The following DPEP2 variants were observed in gnomAD, a reference collection of about 807,000 sequenced individuals.
The protein encoded by DPEP2 is dipeptidase 2.
A neutral mutation model predicts 51.8 loss-of-function variants in DPEP2; 45 were observed. The ratio of observed to expected loss-of-function variants is 0.87; its 90% CI spans 0.68 to 1.11. The LOEUF (loss-of-function observed/expected upper bound fraction) is 1.11, where lower values mean the gene tolerates loss of function less well. Ranked by LOEUF, DPEP2 falls within the 50% of genes most tolerant of loss-of-function variation. The pLI, the probability that DPEP2 is intolerant of heterozygous loss-of-function variation, is 0.00. For synonymous variants in DPEP2, 255 were observed against 262.7 expected, an observed-to-expected ratio of 0.97 and a Z score of 0.28; for missense variants, 604 against 631.9, an observed-to-expected ratio of 0.96 and a Z score of 0.47.
At chr16:67,989,113 C>T (rs557188085) in intron 9 of DPEP2, among the ~76,000 whole-genome samples, 34 of 152,164 alleles carry the variant, frequency 2.2e-4, no homozygotes, top group African/African-American at 7.7e-4. Flanking sequence ...CTTGGGGGTA[C>T]GTGCAGTGCT....
chr16:67,992,370 C>T, intron 3 of DPEP2, 140 bp downstream of exon 3: 2 of 1,451,916 alleles, frequency 1.4e-6, no homozygotes, highest in Non-Finnish European at 1.9e-6. Flanking sequence ...TCTGCAGCCC[C>T]CAGCATCCAT....
intron 9 of DPEP2, among the ~76,000 whole-genome samples, chr16:67,988,941 G>A (rs1007772676): frequency 6.6e-6 from 1 of 152,050 alleles, no homozygotes; most frequent in Non-Finnish European, 1.5e-5. Flanking sequence ...AAGAAAGAAG[G>A]AGGAGGAGGA....
At chr16:67,989,292 G>C (rs2031825347) in intron 9 of DPEP2, 31 bp downstream of exon 9, 1 of 1,613,178 alleles carries the variant, frequency 6.2e-7, no homozygotes, top group East Asian at 2.2e-5. Context: ...TGTACAGCTA[G>C]CCCAAGACAA....
chr16:67,991,086 T>G lies in DPEP2; in HGVS notation c.732+29A>C. On this transcript the variant is annotated intron_variant, in intron 6 of 10. Coordinates refer to ENST00000393847, the MANE Select transcript of DPEP2 (RefSeq NM_022355.4). This position sits in a 1 kb window ranked among gnomAD's most constrained non-coding sequence, Gnocchi z 5.1. ...AACAGCTGGGGTGTGCACATTTGTT[T>G]GGGGTGGAGTGTGAACCAGGGTCCT... is the stretch of plus-strand genomic sequence containing the variant. The G allele has an allele frequency of 6.2e-7, 1 of 1,614,214 alleles. No homozygotes were observed. The highest frequency in any genetic ancestry group is 8.5e-7 in the Non-Finnish European group (1 of 1,180,012).
chr16:67,998,431 G>A (rs187192009), intron 1 of DPEP2, among the ~76,000 whole-genome samples: 1 of 152,322 alleles, frequency 6.6e-6, no homozygotes, highest in South Asian at 2.1e-4. Flanking sequence ...ACTTCTCACC[G>A]GGCCTTAGCT....
intron 9 of DPEP2, 174 bp from the exon 10 acceptor site, chr16:67,988,161 T>TTC: frequency 1.4e-6 from 1 of 702,122 alleles, no homozygotes; most frequent in Non-Finnish European, 2.3e-6. Context: ...CAAAACCTCC[T>TTC]TGAATATTTA....
chr16:67,989,249 T>G, intron 9 of DPEP2, 74 bp downstream of exon 9: 1 of 1,537,304 alleles, frequency 6.5e-7, no homozygotes, highest in Non-Finnish European at 9.0e-7. Context: ...CTAAAGGACG[T>G]GATGGCTATG....
rs2032135982 is a variant in DPEP2 at position 67,991,375 on chromosome 16, T to C, written c.663-191A>G. Reference sequence around the variant, plus strand: ...CCAGTCTTTTTTTTCCTTTTCTTTTTTTTTTTTTTTTGGCAATAGAGTCTC... The same window carrying C: ...CCAGTCTTTTTTTTCCTTTTCTTTTCTTTTTTTTTTTGGCAATAGAGTCTC... On this transcript the variant is annotated intron_variant, in intron 5 of 10. Coordinates refer to ENST00000393847, the MANE Select transcript of DPEP2 (RefSeq NM_022355.4). This position sits in a 1 kb window ranked among gnomAD's most constrained non-coding sequence, Gnocchi z 5.1. Among the ~76,000 whole-genome samples, 1 of 150,914 alleles carries C rather than the reference T, an allele frequency of 6.6e-6. No individual in the cohort carries two copies.
chr16:67,991,298 A>C lies in DPEP2; in HGVS notation c.663-114T>G. 4 of 1,040,344 alleles carry C rather than the reference A, an allele frequency of 3.8e-6. No homozygotes were observed. The highest frequency in any genetic ancestry group is 5.7e-6 in the Non-Finnish European group (4 of 703,564). 64.4% of individuals were successfully genotyped at this position (1,040,344 alleles called of 1,614,324 possible). ...CCCCTGAAACAAAAACAGGGATCCA[A>C]AATGGGCCCTGCAAATGGGCCATGC... On this transcript the variant is annotated intron_variant, in intron 5 of 10. Coordinates refer to ENST00000393847, the MANE Select transcript of DPEP2 (RefSeq NM_022355.4). The surrounding 1 kb of genome is among the most constrained non-coding windows in gnomAD (Gnocchi z 5.1).
intron 2 of DPEP2, 116 bp from the exon 3 acceptor site, chr16:67,992,752 T>C: frequency 6.6e-7 from 1 of 1,518,932 alleles, no homozygotes; most frequent in Non-Finnish European, 8.9e-7. Context: ...ATGACTATAC[T>C]GAGATCCCCT....
chr16:67,990,134 G>A lies in DPEP2; in HGVS notation c.910-3C>T, dbSNP rs2031947539. On this transcript the variant is annotated splice_polypyrimidine_tract_variant and splice_region_variant and intron_variant, in intron 7 of 10. Coordinates refer to ENST00000393847, the MANE Select transcript of DPEP2 (RefSeq NM_022355.4). ...ATCACGACGCCACCGTTCTTCTTCT[G>A]CAGGGGCGGGCAAGTGGACACTTAG... The A allele has an allele frequency of 1.2e-6, 2 of 1,613,892 alleles. No individual in the cohort carries two copies. The highest frequency in any genetic ancestry group is 1.7e-6 in the Non-Finnish European group (2 of 1,179,922).
Position 67,992,522 on chromosome 16 carries a change from G to C in DPEP2, c.378C>G (p.Leu126=). 6.2e-7 allele frequency: 1 copy of C among 1,611,766 alleles called. No individual in the cohort carries two copies. The highest frequency in any genetic ancestry group is 8.5e-7 in the Non-Finnish European group (1 of 1,178,320). Residue 126 remains leucine, a synonymous_variant, in exon 3 of 11, where the codon CTC becomes CTG. Transcript: ENST00000393847. ...QTSLDRLRDG[L]VGAQFWSAYV... ...ATCCCTGTGGTACCTGGGCGCCCAC[G>C]AGGCCATCTCTAAGCCTGTCCAGGC...
intron 3 of DPEP2, 25 bp downstream of exon 3, chr16:67,992,485 G>A (rs373768737): frequency 2.1e-5 from 34 of 1,596,112 alleles, no homozygotes; most frequent in Non-Finnish European, 2.7e-5. Flanking sequence ...GCCATGCTGT[G>A]GCACCTCGTG....
chr16:67,991,219 C>G lies in DPEP2; in HGVS notation c.663-35G>C. The G allele has an allele frequency of 9.9e-6, 16 of 1,609,514 alleles. No homozygotes were observed. The highest frequency in any genetic ancestry group is 1.4e-5 in the Non-Finnish European group (16 of 1,178,224). On this transcript the variant is annotated intron_variant, in intron 5 of 10. Coordinates refer to ENST00000393847, the MANE Select transcript of DPEP2 (RefSeq NM_022355.4). The surrounding 1 kb of genome is among the most constrained non-coding windows in gnomAD (Gnocchi z 5.1). ...GGCCAGGAAGCAGTCTGACTGGTAG[C>G]TGTTCCTCGGCCTCAAGAGTCTAGA...
Position 67,991,316 on chromosome 16 carries a change from G to T in DPEP2, c.663-132C>A. 1 of 791,770 alleles carries T rather than the reference G, an allele frequency of 1.3e-6. No homozygotes were observed. Among genetic ancestry groups the T allele is most frequent in the Non-Finnish European group, 2.0e-6 (1 of 496,936 alleles). The allele number at this position is 791,770 out of a possible 1,614,324, so 49.0% of individuals were successfully genotyped here. A position where few individuals can be genotyped will look rare whatever the true frequency, so the allele number is the denominator to read the frequency against. On this transcript the variant is annotated intron_variant, in intron 5 of 10. Transcript: ENST00000393847. This position sits in a 1 kb window ranked among gnomAD's most constrained non-coding sequence, Gnocchi z 5.1. ...GGATCCAAAATGGGCCCTGCAAATG[G>T]GCCATGCCTGGCAGCAGGAGGGCCC...
Position 67,987,415 on chromosome 16 carries a change from T to C in DPEP2, c.*91A>G. 2 of 1,508,830 alleles carry C rather than the reference T, an allele frequency of 1.3e-6. No homozygotes were observed. The highest frequency in any genetic ancestry group is 1.3e-5 in the South Asian group (1 of 76,984). The allele number at this position is 1,508,830 out of a possible 1,614,324, so 93.5% of individuals were successfully genotyped here. ...TCTGTTTCTATGTCCAAAACATTTA[T>C]TTCAGGAAATATTTGTGCCTGCACA... On this transcript the variant is annotated 3_prime_UTR_variant, in exon 11 of 11. Coordinates refer to ENST00000393847, the MANE Select transcript of DPEP2 (RefSeq NM_022355.4).
At position 67,987,572 on chromosome 16, in the gene DPEP2, G is replaced by A. The variant is rs1169117731; in HGVS notation, c.1395C>T (p.Ser465=). The change falls in exon 11 of 11, where the codon TCC becomes TCT. Residue 465 remains serine (S), a synonymous_variant. Transcript: ENST00000393847. ...CAAGGACTGGGGCCATGTGGGGGGA[G>A]GACTCTGAGACTGACCACTTGGCTG... ...KLPAKWSVSE[S]SPHMAPVLAV... is the part of the protein sequence containing the mutation. 1 of 1,614,208 alleles carries A rather than the reference G, an allele frequency of 6.2e-7. No individual in the cohort carries two copies. Among genetic ancestry groups the A allele is most frequent in the Admixed American group, 1.7e-5 (1 of 60,018 alleles).
chr16:67,992,805 G>A, intron 2 of DPEP2, 145 bp downstream of exon 2: 1 of 1,478,240 alleles, frequency 6.8e-7, no homozygotes, highest in Non-Finnish European at 9.0e-7. Context: ...GGATGACAGA[G>A]GGGAAAGGGT....
At chr16:67,988,147 G>C (rs2031644538) in intron 9 of DPEP2, 160 bp from the exon 10 acceptor site, 1 of 810,988 alleles carries the variant, frequency 1.2e-6, no homozygotes, top group Admixed American at 2.9e-5. Flanking sequence ...TCAGAAGGAG[G>C]CCTCAAAACC....
Sources: allele counts gnomAD v4.1 joint callset (sites outside exome capture counted in the v4.1 genomes callset), GRCh38; gene constraint gnomAD v4.1.1; non-coding constraint Gnocchi (gnomAD v3.1); transcripts MANE v1.5; gene names NCBI Gene and HGNC (gene_info 2026-07-23, HGNC 2026-07-21).